The following TBL1X variants were observed in gnomAD, a reference collection of about 807,000 sequenced individuals.
TBL1X encodes F-box-like/WD repeat-containing protein TBL1X.
Under a neutral mutation model 50.7 loss-of-function variants are expected in TBL1X, and 10 were observed. The observed-to-expected ratio is 0.20, with a 90% CI of 0.12 to 0.33. The LOEUF is 0.33. TBL1X is among the 10% of genes least tolerant of loss of function. The probability of loss-of-function intolerance (pLI) is 1.00; values close to 1 mark genes in which losing one functional copy is unlikely to be tolerated. For synonymous variants in TBL1X, 190 were observed against 214.7 expected (o/e 0.88, Z 1.01); for missense variants, 340 against 504.4 (o/e 0.67, Z 3.12).
chrX:9,616,627 AACACGTTCTG>A (rs2082640852), intron 2 of TBL1X, among the ~76,000 whole-genome samples: 1 of 112,443 alleles, frequency 8.9e-6, no homozygotes, highest in Non-Finnish European at 1.9e-5. Flanking sequence ...TTCTTTTAAT[AACACGTTCTG>A]ACCCAATAAG....
chrX:9,501,465 A>G (rs1249538203), intron 1 of TBL1X, among the ~76,000 whole-genome samples: 6 of 111,416 alleles, frequency 5.4e-5, no homozygotes, highest in African/African-American at 2.0e-4. Flanking sequence ...CGAGATGGCA[A>G]AGCTATGCTT....
In TBL1X at chrX:9,688,164, A is replaced by ACGGCAGCAG; in HGVS notation, c.508_516dup (p.Ala170_Ala172dup). 1 of 1,197,685 alleles carries ACGGCAGCAG rather than the reference A, an allele frequency of 8.3e-7. No homozygotes were observed. Among genetic ancestry groups the ACGGCAGCAG allele is most frequent in the Non-Finnish European group, 1.1e-6 (1 of 888,661 alleles). ...TGCGGCGGCGGCGGCGGCTGCGGCC[A>ACGGCAGCAG]CGGCAGCAGCGACAGCAGCCACCAC... On this transcript the variant is annotated inframe_insertion, in exon 7 of 18. Transcript: ENST00000645353.
intron 4 of TBL1X, among the ~76,000 whole-genome samples, 171 bp downstream of exon 4, chrX:9,653,860 C>T (rs112828269): frequency 8.9e-6 from 1 of 111,835 alleles, no homozygotes; most frequent in Admixed American, 9.5e-5. Context: ...GCTTATGGGG[C>T]GCGCTGCGGA....
chrX:9,486,341 C>T (rs745982458), intron 1 of TBL1X, among the ~76,000 whole-genome samples: 1 of 109,166 alleles, frequency 9.2e-6, no homozygotes, highest in South Asian at 4.0e-4. Flanking sequence ...TCAAGCGATC[C>T]TCCCACCTCC....
intron 2 of TBL1X, among the ~76,000 whole-genome samples, chrX:9,625,968 A>G (rs191758013): frequency 9.0e-6 from 1 of 111,486 alleles, no homozygotes; most frequent in Non-Finnish European, 1.9e-5. Flanking sequence ...AAGATAGGTC[A>G]TGTGGTGTAA....
At chrX:9,586,409 A>G (rs1448355423) in intron 2 of TBL1X, among the ~76,000 whole-genome samples, 1 of 112,511 alleles carries the variant, frequency 8.9e-6, no homozygotes, top group African/African-American at 3.2e-5. Flanking sequence ...GAAATACTGT[A>G]TAATCCCACT....
At position 9,586,509 on chromosome X, in the gene TBL1X, T is replaced by C. The variant is rs73476838; in HGVS notation, c.-130-53764T>C. ...CTGGGGGAGGTGAAATGGGGAATTG[T>C]TGAATGGGCATAGAGTTGGAGTTTT... On this transcript the variant is annotated intron_variant, in intron 2 of 17. Transcript: ENST00000645353. Among the ~76,000 whole-genome samples, 895 of 111,785 alleles carry C rather than the reference T, an allele frequency of 8.0e-3. 8 individuals are homozygous for C. The highest frequency in any genetic ancestry group is 0.027 in the African/African-American group (840 of 30,730).
At chrX:9,538,867 C>T (rs1198382330) in intron 2 of TBL1X, among the ~76,000 whole-genome samples, 2 of 112,916 alleles carry the variant, frequency 1.8e-5, no homozygotes, top group Non-Finnish European at 3.7e-5. Context: ...AGTGCGTGTG[C>T]ACCTGCTGGG....
At chrX:9,692,379 C>G in intron 9 of TBL1X, 125 bp downstream of exon 9, 2 of 838,700 alleles carry the variant, frequency 2.4e-6, no homozygotes, top group East Asian at 6.9e-5. Flanking sequence ...TCAGCCCCCA[C>G]TCTGATGGGC....
intron 2 of TBL1X, among the ~76,000 whole-genome samples, chrX:9,578,552 A>G (rs1412657483): frequency 8.9e-6 from 1 of 111,837 alleles, no homozygotes; most frequent in Non-Finnish European, 1.9e-5. Flanking sequence ...CGGGACAGCA[A>G]TAGAGCTCTG....
chrX:9,501,470 A>G (rs1330914667), intron 1 of TBL1X, among the ~76,000 whole-genome samples: 1 of 111,360 alleles, frequency 9.0e-6, no homozygotes, highest in Admixed American at 9.5e-5. Context: ...TGGCAAAGCT[A>G]TGCTTCTCTT....
chrX:9,704,262 T>C (rs1327070340), intron 12 of TBL1X, among the ~76,000 whole-genome samples: 1 of 111,819 alleles, frequency 8.9e-6, no homozygotes, highest in Non-Finnish European at 1.9e-5. Context: ...TACAGGAGAG[T>C]TTTTTTCATA....
intron 1 of TBL1X, among the ~76,000 whole-genome samples, chrX:9,497,735 C>T (rs988768865): frequency 6.1e-5 from 6 of 98,437 alleles, no homozygotes; most frequent in African/African-American, 2.3e-4. Context: ...TCGAGATTAG[C>T]GTGTTCCTCC....
chrX:9,654,054 G>A (rs1247052490), intron 4 of TBL1X, among the ~76,000 whole-genome samples, 161 bp from the exon 5 acceptor site: 3 of 109,959 alleles, frequency 2.7e-5, no homozygotes, highest in Non-Finnish European at 5.7e-5. Flanking sequence ...CTATAATTAC[G>A]GAATTTTTAT....
At chrX:9,710,270 C>T (rs1387582883) in intron 15 of TBL1X, among the ~76,000 whole-genome samples, 1 of 106,781 alleles carries the variant, frequency 9.4e-6, no homozygotes, top group Admixed American at 1.0e-4. Flanking sequence ...AACATGACTG[C>T]AGAGCCACAG....
rs1207141228 is a variant in TBL1X at position 9,677,598 on chromosome X, A to G, written c.212-6445A>G. Among the ~76,000 whole-genome samples, 4 of 110,904 alleles carry G rather than the reference A, an allele frequency of 3.6e-5. No individual in the cohort carries two copies. The Middle Eastern group carries it at 0.014, about 385-fold the overall frequency. On this transcript the variant is annotated intron_variant, in intron 5 of 17. Coordinates refer to ENST00000645353, the MANE Select transcript of TBL1X (RefSeq NM_005647.4). ...TTACTCCCCGACTACTGTAGTCATA[A>G]AGGTACACTCCTAGTTCCTCCCTCT...
intron 2 of TBL1X, among the ~76,000 whole-genome samples, chrX:9,576,581 T>A (rs1265694850): frequency 9.0e-6 from 1 of 110,535 alleles, no homozygotes; most frequent in Non-Finnish European, 1.9e-5. Context: ...GAACACCTTC[T>A]TTCTTGACTT....
intron 2 of TBL1X, among the ~76,000 whole-genome samples, chrX:9,556,430 C>A (rs188707857): frequency 1.1e-3 from 114 of 107,744 alleles, no homozygotes; most frequent in African/African-American, 3.4e-3. Flanking sequence ...GGCTGAGGTG[C>A]AAGAATTGCT....
chrX:9,536,381 G>A (rs1347537934), intron 2 of TBL1X, among the ~76,000 whole-genome samples: 1 of 109,635 alleles, frequency 9.1e-6, no homozygotes, highest in Non-Finnish European at 1.9e-5. Context: ...CTCCGGAGTA[G>A]CTGGGACTAC....
Sources: gnomAD v4.1 joint callset for allele counts (sites outside exome capture counted in the v4.1 genomes callset) on GRCh38, gnomAD v4.1.1 for gene constraint, MANE v1.5 for transcripts, NCBI Gene and HGNC (gene_info 2026-07-23, HGNC 2026-07-21) for gene names.